Variants in PDE10A observed in about 807,000 individuals in gnomAD.
PDE10A encodes the protein cAMP and cAMP-inhibited cGMP 3',5'-cyclic phosphodiesterase 10A.
In PDE10A, 39 loss-of-function variants were observed where a neutral mutation model predicts 97.7. The observed-to-expected ratio is 0.40, with a 90% confidence interval of 0.31 to 0.52. The LOEUF (loss-of-function observed/expected upper bound fraction) is 0.52. Ranked by LOEUF, PDE10A falls within the 20% of genes least tolerant of loss-of-function variation. The pLI, the probability that PDE10A is intolerant of heterozygous loss-of-function variation, is 0.56. For missense variants in PDE10A, 731 were observed against 1,047.8 expected, an observed-to-expected ratio of 0.70 and a Z score of 4.17; for synonymous variants, 371 against 376.8, an observed-to-expected ratio of 0.98 and a Z score of 0.18.
chr6:165,685,277 T>G (rs73788722), intron 1 of PDE10A, among the ~76,000 whole-genome samples: 197 of 152,048 alleles, frequency 1.3e-3, no homozygotes, highest in African/African-American at 4.4e-3. Flanking sequence ...CTTCAGAAAA[T>G]TCACCAAAAG....
At chr6:165,853,545 A>C (rs923423487) in intron 1 of PDE10A, among the ~76,000 whole-genome samples, 1 of 152,216 alleles carries the variant, frequency 6.6e-6, no homozygotes, top group African/African-American at 2.4e-5. Context: ...TATTATAGTG[A>C]GTTCATATAC....
intron 1 of PDE10A, among the ~76,000 whole-genome samples, chr6:165,720,528 C>T (rs555376550): frequency 3.3e-5 from 5 of 152,182 alleles, no homozygotes; most frequent in Non-Finnish European, 7.4e-5. Context: ...GAAAGAAAAA[C>T]CTGTCTGAAA....
chr6:165,594,832 G>A (rs984761741), intron 1 of PDE10A, among the ~76,000 whole-genome samples: 11 of 152,154 alleles, frequency 7.2e-5, no homozygotes, highest in Non-Finnish European at 5.9e-5. Flanking sequence ...GACATGCAAC[G>A]CAATGGTAAT....
intron 2 of PDE10A, among the ~76,000 whole-genome samples, chr6:165,488,861 A>G (rs1309133846): frequency 6.6e-6 from 1 of 152,046 alleles, no homozygotes; most frequent in African/African-American, 2.4e-5. Flanking sequence ...CCCCCTGGGA[A>G]CGTAACTCCA....
chr6:165,710,453 C>T lies in PDE10A; in HGVS notation c.-614-166885G>A, dbSNP rs572628634. Among the ~76,000 whole-genome samples, 6 of 152,282 alleles carry T rather than the reference C, an allele frequency of 3.9e-5. No homozygotes were observed. In the East Asian group the frequency reaches 5.8e-4, roughly 15 times the overall value. ...ATAAAAACAGACAACTAAGATGTTACGATGTTTTCCTGTTATAGACACACC... is the reference window on the plus strand; with the variant it reads ...ATAAAAACAGACAACTAAGATGTTATGATGTTTTCCTGTTATAGACACACC... On this transcript the variant is annotated intron_variant, in intron 1 of 19. Coordinates refer to the PDE10A transcript ENST00000366882.
intron 16 of PDE10A, among the ~76,000 whole-genome samples, chr6:165,390,436 AAGTAAC>A (rs1259844940): frequency 6.6e-6 from 1 of 152,208 alleles, no homozygotes; most frequent in African/African-American, 2.4e-5. Flanking sequence ...AAGAAGAGCA[AAGTAAC>A]AGGGAGGGAG....
chr6:165,616,726 G>A (rs1787742901), intron 1 of PDE10A, among the ~76,000 whole-genome samples: 1 of 152,054 alleles, frequency 6.6e-6, no homozygotes, highest in African/African-American at 2.4e-5. Context: ...TTTTTCCTGA[G>A]CCCAACAACT....
rs536255054 is a variant in PDE10A, at chr6:165,678,059, G to A, written c.-614-134491C>T. Among the ~76,000 whole-genome samples the A allele has an allele frequency of 2.1e-3, 313 of 150,680 alleles. 1 individual carries two copies. The highest frequency in any genetic ancestry group is 4.1e-3 in the Non-Finnish European group (274 of 67,520). ...TGGGTGTTTGTATATGTGTGTGTTT[G>A]TGTATGTGTGTTTGTATAGCTATGT... On this transcript the variant is annotated intron_variant, in intron 1 of 19. Transcript: ENST00000366882.
intron 2 of PDE10A, among the ~76,000 whole-genome samples, chr6:165,490,588 G>C (rs1486531835): frequency 6.6e-6 from 1 of 152,052 alleles, no homozygotes; most frequent in African/African-American, 2.4e-5. Flanking sequence ...GAATACAATA[G>C]TACCTCATAT....
chr6:165,374,104 T>G (rs1784450382), intron 18 of PDE10A, among the ~76,000 whole-genome samples: 1 of 136,220 alleles, frequency 7.3e-6, no homozygotes, highest in African/African-American at 2.7e-5. Flanking sequence ...GGGGGAGGGA[T>G]AGCATTAGGA....
chr6:165,849,059 C>T (rs1347880803), intron 1 of PDE10A, among the ~76,000 whole-genome samples: 1 of 152,194 alleles, frequency 6.6e-6, no homozygotes, highest in African/African-American at 2.4e-5. Flanking sequence ...CACACTTCGA[C>T]CAATGCACAC....
chr6:165,840,699 T>C (rs980911974), intron 1 of PDE10A, among the ~76,000 whole-genome samples: 7 of 152,226 alleles, frequency 4.6e-5, no homozygotes, highest in Admixed American at 2.0e-4. Flanking sequence ...TGACTCTCCA[T>C]TTCTATTGAT....
At chr6:165,565,711 G>A (rs1265023390) in intron 1 of PDE10A, among the ~76,000 whole-genome samples, 1 of 152,106 alleles carries the variant, frequency 6.6e-6, no homozygotes, top group Non-Finnish European at 1.5e-5. Flanking sequence ...AAAACAGTGT[G>A]GTTATTAGGG....
chr6:165,942,490 G>A (rs150714295), intron 1 of PDE10A, among the ~76,000 whole-genome samples: 9 of 152,114 alleles, frequency 5.9e-5, no homozygotes, highest in Non-Finnish European at 1.2e-4. Context: ...AGATGTGTTC[G>A]GTGTGTGCTC....
At chr6:165,837,250 G>T (rs1442625975) in intron 1 of PDE10A, among the ~76,000 whole-genome samples, 1 of 152,004 alleles carries the variant, frequency 6.6e-6, no homozygotes, top group East Asian at 1.9e-4. Flanking sequence ...GAGGCCCAGA[G>T]AAATGAAATA....
intron 1 of PDE10A, chr6:165,894,365 C>T (rs1781884375): frequency 2.2e-6 from 1 of 455,940 alleles, no homozygotes; most frequent in Non-Finnish European, 4.4e-6. Flanking sequence ...CTACAGAAGG[C>T]CTCGACAGGC....
intron 2 of PDE10A, among the ~76,000 whole-genome samples, chr6:165,496,120 A>T (rs1017717904): frequency 2.6e-5 from 4 of 151,934 alleles, no homozygotes; most frequent in African/African-American, 9.7e-5. Context: ...GCCATCCAGG[A>T]AGAAAACTCC....
intron 18 of PDE10A, among the ~76,000 whole-genome samples, chr6:165,345,934 G>C (rs1782276075): frequency 6.6e-6 from 1 of 152,148 alleles, no homozygotes; most frequent in Non-Finnish European, 1.5e-5. Flanking sequence ...GGAAGGTCCA[G>C]CAGAGAGGAG....
chr6:165,862,061 C>T (rs191289550), intron 1 of PDE10A, among the ~76,000 whole-genome samples: 10 of 152,276 alleles, frequency 6.6e-5, no homozygotes, highest in Non-Finnish European at 1.0e-4. Context: ...TGTGGTGGGG[C>T]CAGGACGCCT....
Sources: gnomAD v4.1 joint callset for allele counts (sites outside exome capture counted in the v4.1 genomes callset) on GRCh38, gnomAD v4.1.1 for gene constraint, MANE v1.5 for transcripts, NCBI Gene and HGNC (gene_info 2026-07-23, HGNC 2026-07-21) for gene names.